Variants in SYT1 observed in about 807,000 individuals in gnomAD.
SYT1 encodes the protein synaptotagmin-1.
In SYT1, 8 loss-of-function variants were observed where a neutral mutation model predicts 44.8. That is an observed-to-expected ratio of 0.18 (90% CI 0.10 to 0.32). SYT1 has a LOEUF of 0.32. Ranked by LOEUF, SYT1 falls within the 10% of genes least tolerant of loss-of-function variation. The pLI, the probability that SYT1 is intolerant of heterozygous loss-of-function variation, is 1.00. For synonymous variants in SYT1, 154 were observed against 188.8 expected (o/e 0.82, Z 1.51); for missense variants, 286 against 509.3 (o/e 0.56, Z 4.22).
At chr12:78,869,187 C>T (rs1357720609) in intron 1 of SYT1, among the ~76,000 whole-genome samples, 3 of 151,704 alleles carry the variant, frequency 2.0e-5, no homozygotes, top group East Asian at 3.9e-4. Context: ...GTTTCCATTT[C>T]CTTAAGGAGA....
chr12:78,901,085 T>C (rs1875636043), intron 1 of SYT1, among the ~76,000 whole-genome samples: 1 of 152,122 alleles, frequency 6.6e-6, no homozygotes, highest in Admixed American at 6.6e-5. Context: ...GATATGTATC[T>C]CTATCTGTTT....
intron 3 of SYT1, among the ~76,000 whole-genome samples, chr12:79,116,738 G>T (rs559237094): frequency 6.6e-6 from 1 of 152,184 alleles, no homozygotes; most frequent in South Asian, 2.1e-4. Context: ...TTTATTATAG[G>T]ATAACTATTT....
intron 1 of SYT1, among the ~76,000 whole-genome samples, chr12:78,899,863 A>G (rs1875566846): frequency 6.6e-6 from 1 of 152,022 alleles, no homozygotes; most frequent in African/African-American, 2.4e-5. Flanking sequence ...AACACAAAAT[A>G]TTTTCCAAGA....
rs1555190335 is a variant in SYT1, at chr12:79,026,667, T to TATATATATA, written c.-83-20630_-83-20629insATATATATA. Among the ~76,000 whole-genome samples, 8 of 102,256 alleles carry TATATATATA rather than the reference T, an allele frequency of 7.8e-5. No individual in the cohort carries two copies. In the East Asian group the frequency reaches 1.1e-3, roughly 14 times the overall value. The allele number at this position is 102,256 out of a possible 152,430, so 67.1% of individuals were successfully genotyped here. Reference sequence around the variant, plus strand: ...TTGTGTGTGTATATACATATATATTTTATATATATATATATATATATATAT... The same window carrying TATATATATA: ...TTGTGTGTGTATATACATATATATTTATATATATATATATATATATATATATATATATAT... On this transcript the variant is annotated intron_variant, in intron 2 of 10. Transcript: ENST00000261205.
Position 79,273,121 on chromosome 12 carries a change from C to CTTTTT in SYT1, c.167-12655_167-12651dup, listed in dbSNP as rs34751116. ...ATAGTGTGTGTTACCTTTTTTCTTT[C>CTTTTT]TTTTTTTTTTTTTTTGACAATATCT... On this transcript the variant is annotated intron_variant, in intron 4 of 10. Transcript: ENST00000261205. Among the ~76,000 whole-genome samples the CTTTTT allele has an allele frequency of 7.7e-3, 1,071 of 138,776 alleles. 13 individuals carry two copies. The highest frequency in any genetic ancestry group is 0.026 in the African/African-American group (968 of 37,358). 91.0% of individuals were successfully genotyped at this position (138,776 alleles called of 152,430 possible).
chr12:79,050,421 G>C (rs1310706303), intron 3 of SYT1, among the ~76,000 whole-genome samples: 1 of 151,958 alleles, frequency 6.6e-6, no homozygotes, highest in African/African-American at 2.4e-5. Context: ...TTGTTCAAGT[G>C]TCAACTATAG....
At chr12:79,370,992 T>C (rs1332500234) in intron 9 of SYT1, among the ~76,000 whole-genome samples, 2 of 151,774 alleles carry the variant, frequency 1.3e-5, no homozygotes, top group African/African-American at 2.4e-5. Flanking sequence ...GTGATTATTT[T>C]ATTTTTTCCT....
At chr12:79,297,653 T>TTGA (rs1879938391) in intron 7 of SYT1, among the ~76,000 whole-genome samples, 1 of 152,130 alleles carries the variant, frequency 6.6e-6, no homozygotes, top group African/African-American at 2.4e-5. Context: ...TTCAGAAAGG[T>TTGA]TGATCAAACT....
chr12:79,349,033 A>AAGAAAG (rs1367804411), intron 8 of SYT1, among the ~76,000 whole-genome samples: 23 of 120,282 alleles, frequency 1.9e-4, no homozygotes, highest in African/African-American at 6.2e-4. Context: ...GAAAGAAAGA[A>AAGAAAG]AAAGAAAGAA....
At chr12:79,446,831 A>G (rs1263370876) in intron 10 of SYT1, among the ~76,000 whole-genome samples, 1 of 152,164 alleles carries the variant, frequency 6.6e-6, no homozygotes, top group East Asian at 1.9e-4. Context: ...TTTATTTTGC[A>G]ATATTTATTC....
chr12:79,188,907 A>G (rs1367296277), intron 3 of SYT1, among the ~76,000 whole-genome samples: 1 of 151,998 alleles, frequency 6.6e-6, no homozygotes, highest in East Asian at 1.9e-4. Context: ...ACAGAGTCCC[A>G]CTTTATTATT....
At chr12:78,879,709 C>G (rs1302894032) in intron 1 of SYT1, among the ~76,000 whole-genome samples, 1 of 151,756 alleles carries the variant, frequency 6.6e-6, no homozygotes, top group Non-Finnish European at 1.5e-5. Flanking sequence ...CACCATAGTT[C>G]AAATCAACTT....
chr12:79,019,756 G>A (rs1872061645), intron 2 of SYT1, among the ~76,000 whole-genome samples: 1 of 151,908 alleles, frequency 6.6e-6, no homozygotes, highest in Non-Finnish European at 1.5e-5. Flanking sequence ...GCTGATTAGA[G>A]AAACCAGGAG....
At chr12:78,980,329 T>C (rs1391060731) in intron 2 of SYT1, among the ~76,000 whole-genome samples, 3 of 152,176 alleles carry the variant, frequency 2.0e-5, no homozygotes, top group African/African-American at 7.2e-5. Flanking sequence ...GCTTCCTACA[T>C]AGCCGACTCC....
chr12:79,398,100 C>T (rs1476767472), intron 9 of SYT1, among the ~76,000 whole-genome samples: 2 of 152,052 alleles, frequency 1.3e-5, no homozygotes, highest in Non-Finnish European at 2.9e-5. Flanking sequence ...AATTATATTC[C>T]ATTTGTCATT....
chr12:78,985,928 A>G (rs1441915257), intron 2 of SYT1, among the ~76,000 whole-genome samples: 1 of 152,058 alleles, frequency 6.6e-6, no homozygotes, highest in Non-Finnish European at 1.5e-5. Context: ...TTTTCTTTCG[A>G]AAAGCACTTT....
intron 1 of SYT1, among the ~76,000 whole-genome samples, chr12:78,934,999 G>A (rs1317203790): frequency 6.6e-6 from 1 of 152,118 alleles, no homozygotes; most frequent in Admixed American, 6.5e-5. Flanking sequence ...ATCATGCCTC[G>A]CCCGAGTCTA....
In SYT1 at chr12:78,912,023, A is replaced by ATGACT. The variant is rs1394281571; in HGVS notation, c.-217+46916_-217+46920dup. Reference sequence around the variant, plus strand: ...ACATCGTGTCTGACTTCCAATATTCATGACTTCCCAGGTGAGTTTCCATAT... The same window carrying ATGACT: ...ACATCGTGTCTGACTTCCAATATTCATGACTTGACTTCCCAGGTGAGTTTCCATAT... On this transcript the variant is annotated intron_variant, in intron 1 of 10. Coordinates refer to ENST00000261205, the MANE Select transcript of SYT1 (RefSeq NM_005639.3). 3.3e-5 allele frequency among the ~76,000 whole-genome samples: 5 copies of ATGACT among 152,102 alleles called. No homozygotes were observed. In the East Asian group the frequency reaches 7.8e-4, roughly 24 times the overall value.
chr12:79,173,003 A>AG (rs1871632633), intron 3 of SYT1, among the ~76,000 whole-genome samples: 3 of 139,678 alleles, frequency 2.1e-5, no homozygotes, highest in Non-Finnish European at 4.5e-5. Flanking sequence ...AAAAAAAAAA[A>AG]AAAGGGAGTT....
Sources: gnomAD v4.1 joint callset for allele counts (sites outside exome capture counted in the v4.1 genomes callset) on GRCh38, gnomAD v4.1.1 for gene constraint, MANE v1.5 for transcripts, NCBI Gene and HGNC (gene_info 2026-07-23, HGNC 2026-07-21) for gene names.